The following SLC9A9 variants were observed in gnomAD, a reference collection of about 807,000 sequenced individuals.
SLC9A9 encodes sodium/hydrogen exchanger 9.
A neutral mutation model predicts 77.8 loss-of-function variants in SLC9A9; 62 were observed. The observed-to-expected ratio is 0.80, with a 90% CI of 0.65 to 0.98. The LOEUF is 0.98. Among genes scored for constraint, SLC9A9 ranks in the 50% least tolerant of loss-of-function variants. The pLI is 0.00. For synonymous variants in SLC9A9, 320 were observed against 283.5 expected (o/e 1.13, Z -1.29); for missense variants, 775 against 774.9 (o/e 1.00, Z 0.00).
chr3:143,290,226 T>G (rs566428892), intron 14 of SLC9A9, among the ~76,000 whole-genome samples: 15 of 152,104 alleles, frequency 9.9e-5, no homozygotes, highest in Non-Finnish European at 2.2e-4. Flanking sequence ...ATAATAGGCA[T>G]AAAATGGGAT....
chr3:143,562,234 G>A (rs2037099792), intron 8 of SLC9A9, among the ~76,000 whole-genome samples: 1 of 152,192 alleles, frequency 6.6e-6, no homozygotes, highest in South Asian at 2.1e-4. Flanking sequence ...AGAATAGTGG[G>A]TGATAACAAA....
At chr3:143,406,653 A>T (rs2033987875) in intron 12 of SLC9A9, among the ~76,000 whole-genome samples, 1 of 152,098 alleles carries the variant, frequency 6.6e-6, no homozygotes, top group South Asian at 2.1e-4. Flanking sequence ...TTATTTCATC[A>T]TTACTCATTA....
At chr3:143,738,795 G>A (rs558249056) in intron 4 of SLC9A9, among the ~76,000 whole-genome samples, 5 of 152,174 alleles carry the variant, frequency 3.3e-5, no homozygotes, top group East Asian at 3.8e-4. Context: ...AGGAAAGTAC[G>A]TTACTTACAA....
At chr3:143,470,780 A>G (rs1046751684) in intron 11 of SLC9A9, among the ~76,000 whole-genome samples, 2 of 152,184 alleles carry the variant, frequency 1.3e-5, no homozygotes, top group East Asian at 1.9e-4. Context: ...GCAATCATTA[A>G]TCTTACTAAG....
chr3:143,606,428 C>CTATATATATATATATATATATA (rs1473173290), intron 6 of SLC9A9, among the ~76,000 whole-genome samples: 2 of 69,886 alleles, frequency 2.9e-5, no homozygotes, highest in Admixed American at 1.6e-4. Flanking sequence ...CTCTCTCTCT[C>CTATATATATATATATATATATA]TCTCTCTCTA....
At chr3:143,546,326 T>C (rs1236916897) in intron 9 of SLC9A9, among the ~76,000 whole-genome samples, 2 of 152,232 alleles carry the variant, frequency 1.3e-5, no homozygotes, top group African/African-American at 4.8e-5. Context: ...AATAAGCATC[T>C]GGAAAGAATG....
chr3:143,800,277 C>A (rs917123948), intron 2 of SLC9A9, among the ~76,000 whole-genome samples: 3 of 152,150 alleles, frequency 2.0e-5, no homozygotes, highest in African/African-American at 7.2e-5. Flanking sequence ...ATGCCAATAT[C>A]CCATCCTACA....
chr3:143,660,664 T>C (rs2038964080), intron 5 of SLC9A9, among the ~76,000 whole-genome samples: 1 of 152,172 alleles, frequency 6.6e-6, no homozygotes, highest in African/African-American at 2.4e-5. Context: ...AAATACACTC[T>C]GCTCCCCTCT....
At chr3:143,791,620 C>A (rs1036935202) in intron 4 of SLC9A9, among the ~76,000 whole-genome samples, 1 of 152,218 alleles carries the variant, frequency 6.6e-6, no homozygotes, top group South Asian at 2.1e-4. Flanking sequence ...ACGTTCCTGG[C>A]ACCCATCATA....
chr3:143,640,686 C>T (rs2108737721), intron 6 of SLC9A9, among the ~76,000 whole-genome samples: 1 of 152,164 alleles, frequency 6.6e-6, no homozygotes. Context: ...CATGGTGAAA[C>T]CCAGTCTTTA....
At position 143,413,635 on chromosome 3, in the gene SLC9A9, G is replaced by A. The variant is rs1347081358; in HGVS notation, c.1470-31521C>T. Reference sequence around the variant, plus strand: ...GTGACTCGGGAATGAGCAAAGAAAAGGCTGTCAGCTCTGTCCTTGACCTAG... The same window carrying A: ...GTGACTCGGGAATGAGCAAAGAAAAAGCTGTCAGCTCTGTCCTTGACCTAG... On this transcript the variant is annotated intron_variant, in intron 12 of 15. Coordinates refer to ENST00000316549, the MANE Select transcript of SLC9A9 (RefSeq NM_173653.4). 2.6e-5 allele frequency among the ~76,000 whole-genome samples: 4 copies of A among 152,272 alleles called. No individual in the cohort carries two copies. In the South Asian group the frequency reaches 8.3e-4, roughly 32 times the overall value.
At chr3:143,818,947 G>A (rs950870522) in intron 2 of SLC9A9, among the ~76,000 whole-genome samples, 1 of 152,044 alleles carries the variant, frequency 6.6e-6, no homozygotes, top group Admixed American at 6.5e-5. Context: ...GCTGGGCATG[G>A]TTGTGCATGC....
chr3:143,762,125 G>C (rs1286300487), intron 4 of SLC9A9, among the ~76,000 whole-genome samples: 9 of 152,212 alleles, frequency 5.9e-5, no homozygotes, highest in Non-Finnish European at 1.0e-4. Context: ...CTCACTCATA[G>C]GTGGGAATTG....
At position 143,848,316 on chromosome 3, in the gene SLC9A9, T is replaced by C; in HGVS notation, c.7A>G (p.Arg3Gly). 1 of 1,613,950 alleles carries C rather than the reference T, an allele frequency of 6.2e-7. No homozygotes were observed. The highest frequency in any genetic ancestry group is 8.5e-7 in the Non-Finnish European group (1 of 1,179,862). ...TTTTCTGACATAACCCTTGACTGTC[T>C]CTCCATTCCCCAGTCTTCTTGGGAT... The part of the protein sequence containing the change: ME[R>G]QSRVMSEKDE... The change falls in exon 1 of 16, where the codon AGA becomes GGA. Residue 3 changes from arginine (R) to glycine (G), a missense_variant. Physicochemically the swap from Arg to Gly is moderately radical, Grantham distance 125. Transcript: ENST00000316549.
chr3:143,511,738 C>A (rs888751004), intron 9 of SLC9A9, among the ~76,000 whole-genome samples: 17 of 152,192 alleles, frequency 1.1e-4, no homozygotes. Context: ...AAGTGGCACA[C>A]CCTCCTTTCC....
chr3:143,674,172 T>G (rs753339735), intron 5 of SLC9A9, among the ~76,000 whole-genome samples: 8 of 152,196 alleles, frequency 5.3e-5, no homozygotes, highest in Non-Finnish European at 1.2e-4. Context: ...ACTTTCTGTT[T>G]TGTTTTGTTT....
chr3:143,645,617 C>T (rs1048816389), intron 6 of SLC9A9, among the ~76,000 whole-genome samples: 4 of 152,124 alleles, frequency 2.6e-5, no homozygotes, highest in South Asian at 2.1e-4. Context: ...ATTAAATTTC[C>T]CTCAAGATAC....
chr3:143,576,443 G>A (rs576548368), intron 7 of SLC9A9, among the ~76,000 whole-genome samples: 13 of 152,122 alleles, frequency 8.5e-5, no homozygotes, highest in Middle Eastern at 3.4e-3. Context: ...AGTTTCCTCG[G>A]GTGTAAGGTG....
chr3:143,302,853 G>A (rs1343567511), intron 14 of SLC9A9, among the ~76,000 whole-genome samples: 3 of 152,174 alleles, frequency 2.0e-5, no homozygotes, highest in South Asian at 2.1e-4. Flanking sequence ...TCTGGAATTC[G>A]ATGTTTTCAA....
Sources: allele counts gnomAD v4.1 joint callset (sites outside exome capture counted in the v4.1 genomes callset), GRCh38; gene constraint gnomAD v4.1.1; transcripts MANE v1.5; gene names NCBI Gene and HGNC (gene_info 2026-07-23, HGNC 2026-07-21).